Variants in BEND6 observed in about 807,000 individuals in gnomAD.
The protein encoded by BEND6 is BEN domain-containing protein 6.
BEND6 carries 24 observed loss-of-function variants against 31.8 expected under a neutral mutation model. That is an observed-to-expected ratio of 0.75 (90% confidence interval 0.55 to 1.06). BEND6 has a LOEUF of 1.06. BEND6 is among the 50% of genes least tolerant of loss of function. BEND6 has a pLI of 0.00. For missense variants in BEND6, 294 were observed against 327.4 expected, an observed-to-expected ratio of 0.90 and a Z score of 0.79; for synonymous variants, 109 against 114.6, an observed-to-expected ratio of 0.95 and a Z score of 0.31.
At chr6:56,973,666 G>C (rs757961900) in intron 1 of BEND6, among the ~76,000 whole-genome samples, 1 of 152,164 alleles carries the variant, frequency 6.6e-6, no homozygotes, top group African/African-American at 2.4e-5. Flanking sequence ...GTGTGGATAC[G>C]CTGGACAAAG....
At chr6:57,012,060 G>A (rs907366428) in intron 3 of BEND6, among the ~76,000 whole-genome samples, 5 of 152,164 alleles carry the variant, frequency 3.3e-5, no homozygotes, top group Non-Finnish European at 5.9e-5. Context: ...GGGAGGCGGA[G>A]GTTGCAGTGA....
intron 1 of BEND6, among the ~76,000 whole-genome samples, chr6:56,976,659 G>A (rs983909741): frequency 6.6e-6 from 1 of 152,044 alleles, no homozygotes; most frequent in South Asian, 2.1e-4. Context: ...CTGCCTCCTG[G>A]GTTCAAGCGA....
chr6:57,008,272 G>T (rs1192310848), intron 3 of BEND6: 2 of 701,912 alleles, frequency 2.8e-6, no homozygotes, highest in East Asian at 2.7e-5. Flanking sequence ...GGGTCCTGGT[G>T]CTAGGAATCA....
intron 1 of BEND6, among the ~76,000 whole-genome samples, chr6:56,964,896 C>T (rs1446214457): frequency 6.6e-6 from 1 of 152,190 alleles, no homozygotes; most frequent in East Asian, 1.9e-4. Context: ...GCTTCCTGGG[C>T]CTCAGCTGGC....
intron 1 of BEND6, among the ~76,000 whole-genome samples, chr6:56,979,561 C>A (rs1031123808): frequency 6.6e-6 from 1 of 152,136 alleles, no homozygotes; most frequent in South Asian, 2.1e-4. Context: ...GTCAGATGAA[C>A]ATTTGCAATT....
intron 1 of BEND6, among the ~76,000 whole-genome samples, chr6:56,956,282 T>C (rs567329391): frequency 6.6e-6 from 1 of 152,240 alleles, no homozygotes; most frequent in Non-Finnish European, 1.5e-5. Context: ...TCATAAAAAT[T>C]TATAAAAATT....
intron 2 of BEND6, among the ~76,000 whole-genome samples, chr6:56,988,487 TAAA>T (rs1826370793): frequency 6.6e-6 from 1 of 152,150 alleles, no homozygotes; most frequent in Admixed American, 6.5e-5. Context: ...ACTAACATGA[TAAA>T]AATGATTATT....
At chr6:56,988,361 G>T (rs1826362896) in intron 2 of BEND6, among the ~76,000 whole-genome samples, 1 of 152,000 alleles carries the variant, frequency 6.6e-6, no homozygotes, top group African/African-American at 2.4e-5. Flanking sequence ...CTTCTCTGAT[G>T]CAATAAGCCC....
At chr6:57,011,730 A>C (rs1438643185) in intron 3 of BEND6, among the ~76,000 whole-genome samples, 1 of 147,824 alleles carries the variant, frequency 6.8e-6, no homozygotes, top group South Asian at 2.1e-4. Flanking sequence ...AAAAAAAAAA[A>C]AAAAAGAAAA....
chr6:56,962,946 A>G (rs1217936591), intron 1 of BEND6, among the ~76,000 whole-genome samples: 1 of 152,154 alleles, frequency 6.6e-6, no homozygotes, highest in African/African-American at 2.4e-5. Flanking sequence ...TCTCTGCTAA[A>G]TGCTTTACGT....
intron 3 of BEND6, chr6:57,009,690 C>T (rs1827279584): frequency 6.6e-6 from 1 of 152,152 alleles, no homozygotes; most frequent in African/African-American, 2.4e-5. Flanking sequence ...GCAGATGTGT[C>T]AACTAGAAGA....
Position 57,017,265 on chromosome 6 carries a change from T to C in BEND6, c.578T>C (p.Ile193Thr). 6.4e-7 allele frequency: 1 copy of C among 1,561,544 alleles called. No homozygotes were observed. Among genetic ancestry groups the C allele is most frequent in the Non-Finnish European group, 8.7e-7 (1 of 1,154,882 alleles). ...RCNKSKPQKF[I>T]NDLMQVLYTN... ...AACAAGAGCAAGCCTCAGAAGTTTA[T>C]TAATGATTTAATGCAAGTACTTTAC... The change falls in exon 5 of 7, where the codon ATT (isoleucine) becomes ACT (threonine). Residue 193 changes from isoleucine to threonine, a missense_variant. By Grantham distance (89) the Ile-to-Thr change is moderately conservative (BLOSUM62 -1). Transcript: ENST00000370746.
intron 2 of BEND6, among the ~76,000 whole-genome samples, chr6:56,986,950 A>ATTAAGCTGT (rs1222748140): frequency 6.8e-6 from 1 of 147,650 alleles, no homozygotes; most frequent in East Asian, 2.0e-4. Flanking sequence ...CTGTCTAGAT[A>ATTAAGCTGT]TTAAGCTGTT....
chr6:56,974,156 G>A (rs997215460), intron 1 of BEND6, among the ~76,000 whole-genome samples: 6 of 152,160 alleles, frequency 3.9e-5, no homozygotes, highest in Non-Finnish European at 8.8e-5. Flanking sequence ...GTTGGTAAGG[G>A]GAGAGTAGAG....
At chr6:56,979,252 A>C (rs76065465) in intron 1 of BEND6, among the ~76,000 whole-genome samples, 3 of 152,230 alleles carry the variant, frequency 2.0e-5, no homozygotes, top group African/African-American at 7.2e-5. Context: ...GAAGAATCTA[A>C]TAAAATTATA....
Position 56,988,315 on chromosome 6 carries a change from C to T in BEND6, c.121-4063C>T, listed in dbSNP as rs199991091. On this transcript the variant is annotated intron_variant, in intron 2 of 6. Transcript: ENST00000370746. ...ACAGGCGTGAGCCACCACGCCCAGC[C>T]GTGAGTGCTTTTTTTCAACTGAATC... is the stretch of plus-strand genomic sequence containing the variant. Among the ~76,000 whole-genome samples, 7 of 152,108 alleles carry T rather than the reference C, an allele frequency of 4.6e-5. No individual in the cohort carries two copies. In the East Asian group the frequency reaches 9.7e-4, roughly 21 times the overall value.
rs576780591 is a variant in BEND6 at position 57,019,090 on chromosome 6, A to G, written c.*9+533A>G. 2.0e-5 allele frequency among the ~76,000 whole-genome samples: 3 copies of G among 152,314 alleles called. No individual in the cohort carries two copies. The East Asian group carries it at 5.8e-4, about 29-fold the overall frequency. On this transcript the variant is annotated intron_variant, in intron 6 of 6. Coordinates refer to ENST00000370746, the MANE Select transcript of BEND6 (RefSeq NM_152731.3). ...GCAGCGTTCTTCTCCACCATCCTAC[A>G]TGTTGCTTCGCATGGTCTTTAAATT...
chr6:56,960,933 T>C (rs970200715), intron 1 of BEND6, among the ~76,000 whole-genome samples: 3 of 152,208 alleles, frequency 2.0e-5, no homozygotes, highest in Non-Finnish European at 2.9e-5. Flanking sequence ...TAGTAGAGTT[T>C]ATATTTCAAA....
chr6:56,988,139 C>G (rs1263048414), intron 2 of BEND6, among the ~76,000 whole-genome samples: 2 of 151,702 alleles, frequency 1.3e-5, no homozygotes, highest in African/African-American at 2.4e-5. Flanking sequence ...GCCTCAGCCT[C>G]CCAGGTAGCT....
Sources: gnomAD v4.1 joint callset for allele counts (sites outside exome capture counted in the v4.1 genomes callset) on GRCh38, gnomAD v4.1.1 for gene constraint, MANE v1.5 for transcripts, NCBI Gene and HGNC (gene_info 2026-07-23, HGNC 2026-07-21) for gene names.